KIR2DL4: variants seen among roughly 807,000 people sequenced by gnomAD.
The protein encoded by KIR2DL4 is killer cell immunoglobulin-like receptor 2DL4.
KIR2DL4 carries 41 observed loss-of-function variants against 31.0 expected under a neutral mutation model. The observed-to-expected ratio is 1.32, with a 90% CI of 1.03 to 1.72. KIR2DL4 has a LOEUF of 1.72. Ranked by LOEUF, KIR2DL4 falls within the 40% of genes most tolerant of loss-of-function variation. The probability of loss-of-function intolerance (pLI) is 0.00; values close to 1 mark genes in which losing one functional copy is unlikely to be tolerated. For missense variants in KIR2DL4, 438 were observed against 353.7 expected (o/e 1.24, Z -1.91); for synonymous variants, 164 against 133.6 (o/e 1.23, Z -1.57).
chr19:54,812,900 G>A (rs1336461950), intron 5 of KIR2DL4, among the ~76,000 whole-genome samples: 9 of 144,332 alleles, frequency 6.2e-5, no homozygotes, highest in African/African-American at 2.4e-4. Context: ...AGTGGGGTTT[G>A]GAGGGGTCAA....
rs375062779 is a variant in KIR2DL4 at position 54,805,537 on chromosome 19, G to A, written c.362-414G>A. Among the ~76,000 whole-genome samples the A allele has an allele frequency of 1.5e-4, 22 of 151,514 alleles. No homozygotes were observed. The East Asian group carries it at 3.7e-3, about 25-fold the overall frequency. On this transcript the variant is annotated intron_variant, in intron 3 of 7. Transcript: ENST00000359085. ...AGAAATCAATGGAACTGATTCTCCC[G>A]AGTCTCCAGAGGGAATGCAGCCCTG...
At chr19:54,805,183 T>C in intron 3 of KIR2DL4, 106 bp downstream of exon 3, 1 of 1,166,558 alleles carries the variant, frequency 8.6e-7, no homozygotes, top group Non-Finnish European at 1.2e-6. Context: ...CAACTATATT[T>C]GGGGTAAAGG....
rs570855601 is a variant in KIR2DL4 at position 54,814,139 on chromosome 19, A to G, written c.*339A>G. 367 of 1,601,822 alleles carry G rather than the reference A, an allele frequency of 2.3e-4. 1 individual carries two copies. Among genetic ancestry groups the G allele is most frequent in the Non-Finnish European group, 2.9e-4 (338 of 1,177,224 alleles). ...GCGTGAGTCTCCATCTTAGAGCATC[A>G]CTCTTCCTCACACCACAAATCTGGT... On this transcript the variant is annotated 3_prime_UTR_variant, in exon 8 of 8. Transcript: ENST00000359085.
chr19:54,813,366 A>G (rs1242033733), intron 6 of KIR2DL4: 6 of 1,363,934 alleles, frequency 4.4e-6, no homozygotes, highest in Admixed American at 5.2e-5. Flanking sequence ...TTCTAGAGAG[A>G]GCACCAGACA....
exon 8 of KIR2DL4, chr19:54,813,882 A>G (rs945672091): frequency 2.5e-6 from 4 of 1,612,428 alleles, no homozygotes; most frequent in Non-Finnish European, 3.4e-6. Context: ...ACATACGCAC[A>G]GTTGGATCAC....
intron 6 of KIR2DL4, chr19:54,813,317 G>A: frequency 3.2e-6 from 5 of 1,568,156 alleles, no homozygotes; most frequent in South Asian, 1.2e-5. Flanking sequence ...TCACTGGCAG[G>A]AAAGTCTCTG....
chr19:54,806,136 C>T (rs1022240407), exon 4 of KIR2DL4: 24 of 1,611,990 alleles, frequency 1.5e-5, no homozygotes, highest in Middle Eastern at 3.3e-4. Context: ...GGCCGACTTC[C>T]CTCTGGGTCC....
At chr19:54,809,094 C>A (rs1179455228) in intron 5 of KIR2DL4, among the ~76,000 whole-genome samples, 1 of 151,190 alleles carries the variant, frequency 6.6e-6, no homozygotes, top group African/African-American at 2.4e-5. Flanking sequence ...GCTGCTGAGA[C>A]CTCAGGGTAG....
chr19:54,810,513 T>C (rs1463217125), intron 5 of KIR2DL4, among the ~76,000 whole-genome samples: 1 of 150,336 alleles, frequency 6.7e-6, no homozygotes, highest in Non-Finnish European at 1.5e-5. Context: ...ACTTGTGACC[T>C]TAATGAAAAA....
At chr19:54,811,995 T>C (rs1401166858) in intron 5 of KIR2DL4, among the ~76,000 whole-genome samples, 4 of 151,416 alleles carry the variant, frequency 2.6e-5, no homozygotes, top group Non-Finnish European at 5.9e-5. Flanking sequence ...TTGATTTCAA[T>C]GTCACTGTTT....
At chr19:54,814,387 G>C (rs1403692826) in exon 8 of KIR2DL4, 1 of 466,442 alleles carries the variant, frequency 2.1e-6, no homozygotes, top group Non-Finnish European at 3.8e-6. Context: ...GACACGTGCT[G>C]TTCCACCTTC....
At chr19:54,811,426 A>G (rs1340852582) in intron 5 of KIR2DL4, among the ~76,000 whole-genome samples, 2 of 151,354 alleles carry the variant, frequency 1.3e-5, no homozygotes, top group Non-Finnish European at 2.9e-5. Context: ...ATACATAAAT[A>G]TAATATAACA....
intron 4 of KIR2DL4, 129 bp downstream of exon 4, chr19:54,806,373 C>T: frequency 1.9e-6 from 2 of 1,073,914 alleles, no homozygotes; most frequent in Non-Finnish European, 2.7e-6. Flanking sequence ...AGGGTGGGAT[C>T]AGGGCACAGG....
intron 2 of KIR2DL4, 25 bp downstream of exon 2, chr19:54,803,951 T>A: frequency 6.2e-7 from 1 of 1,603,494 alleles, no homozygotes; most frequent in Non-Finnish European, 8.5e-7. Flanking sequence ...AAATGATGGG[T>A]TGCCATCTTC....
chr19:54,810,257 T>C (rs2147948429), intron 5 of KIR2DL4, among the ~76,000 whole-genome samples: 1 of 150,266 alleles, frequency 6.7e-6, no homozygotes, highest in African/African-American at 2.5e-5. Flanking sequence ...AGGCTGGGAT[T>C]ACACCCATGT....
Position 54,807,528 on chromosome 19 carries a change from C to A in KIR2DL4, c.655+1284C>A, listed in dbSNP as rs1185372050. On this transcript the variant is annotated intron_variant, in intron 4 of 7. Coordinates refer to ENST00000359085, the Ensembl canonical transcript of KIR2DL4. ...CCTGGGCTCACTGCAACCTCTACCTCCAGGATTCAAGTGATTCTCCAGCCT... is the reference window on the plus strand; with the variant it reads ...CCTGGGCTCACTGCAACCTCTACCTACAGGATTCAAGTGATTCTCCAGCCT... 9.9e-5 allele frequency among the ~76,000 whole-genome samples: 15 copies of A among 150,966 alleles called. 1 individual carries two copies. Among genetic ancestry groups the A allele is most frequent in the African/African-American group, 3.2e-4 (13 of 40,724 alleles).
chr19:54,814,373 CT>C, exon 8 of KIR2DL4: 1 of 495,506 alleles, frequency 2.0e-6, no homozygotes, highest in Non-Finnish European at 3.6e-6. Flanking sequence ...TAACACGGCA[CT>C]TAGACACGTG....
intron 5 of KIR2DL4, among the ~76,000 whole-genome samples, chr19:54,810,265 T>C (rs2060780565): frequency 6.7e-6 from 1 of 149,172 alleles, no homozygotes; most frequent in Non-Finnish European, 1.5e-5. Context: ...ATTACACCCA[T>C]GTCCCACCAC....
exon 8 of KIR2DL4, chr19:54,813,878 G>A (rs763530813): frequency 7.4e-6 from 12 of 1,612,398 alleles, no homozygotes; most frequent in Admixed American, 5.0e-5. Context: ...GGTGACATAC[G>A]CACAGTTGGA....
Sources: allele counts gnomAD v4.1 joint callset (sites outside exome capture counted in the v4.1 genomes callset), GRCh38; gene constraint gnomAD v4.1.1; transcripts MANE v1.5; gene names NCBI Gene and HGNC (gene_info 2026-07-23, HGNC 2026-07-21).